Variants in RFX3 observed in about 807,000 individuals in gnomAD.
RFX3 encodes the protein regulatory factor X3.
In RFX3, 14 loss-of-function variants were observed where a neutral mutation model predicts 98.6. The observed-to-expected ratio is 0.14, with a 90% CI of 0.09 to 0.22. The LOEUF is 0.22. RFX3 is among the 10% of genes least tolerant of loss of function. The probability of loss-of-function intolerance (pLI) is 1.00; values close to 1 mark genes in which losing one functional copy is unlikely to be tolerated. For synonymous variants in RFX3, 383 were observed against 328.4 expected, an observed-to-expected ratio of 1.17 and a Z score of -1.80; for missense variants, 639 against 926.9, an observed-to-expected ratio of 0.69 and a Z score of 4.03.
rs928177785 is a variant in RFX3 at position 3,244,467 on chromosome 9, AT to A, written c.1968+3564del. Among the ~76,000 whole-genome samples the A allele has an allele frequency of 9.7e-4, 148 of 152,024 alleles. No homozygotes were observed. In the Middle Eastern group the frequency reaches 0.01, roughly 10 times the overall value. On this transcript the variant is annotated intron_variant, in intron 15 of 16. Transcript: ENST00000617270. ...AATTTTGACTTTTTATCCTAATTCA[AT>A]TTTTCCTCTTGTCTGTTGCATTTGA...
chr9:3,384,212 C>A (rs1053650458), intron 2 of RFX3, among the ~76,000 whole-genome samples: 1 of 25,870 alleles, frequency 3.9e-5, no homozygotes, highest in African/African-American at 3.9e-4. Context: ...CAGAATACCT[C>A]ATGTTTGCAT....
intron 1 of RFX3, among the ~76,000 whole-genome samples, chr9:3,423,573 A>G (rs904258055): frequency 2.0e-5 from 3 of 151,952 alleles, no homozygotes; most frequent in Non-Finnish European, 4.4e-5. Flanking sequence ...GAAATTCTAG[A>G]AAACAGAAAT....
intron 1 of RFX3, among the ~76,000 whole-genome samples, chr9:3,525,545 G>A (rs1819196969): frequency 6.6e-6 from 1 of 151,836 alleles, no homozygotes; most frequent in Non-Finnish European, 1.5e-5. Flanking sequence ...CGACCCAGCC[G>A]CGGCGCGCAG....
At chr9:3,239,584 C>A (rs532458829) in intron 15 of RFX3, among the ~76,000 whole-genome samples, 2 of 152,246 alleles carry the variant, frequency 1.3e-5, no homozygotes, top group African/African-American at 4.8e-5. Context: ...GTCTAAGACA[C>A]ACTTACAAGT....
chr9:3,257,027 G>A lies in RFX3; in HGVS notation c.1778C>T (p.Ala593Val), dbSNP rs766578680. The change falls in exon 14 of 17, where the codon GCC becomes GTC. Residue 593 changes from alanine to valine, a missense_variant. By Grantham distance (64) the Ala-to-Val change is moderately conservative. Coordinates refer to ENST00000617270, the MANE Select transcript of RFX3 (RefSeq NM_001282116.2). ...PYEGRPSFPKAARQFLLKWSF... is the reference protein window; with the variant it reads ...PYEGRPSFPKVARQFLLKWSF... ...CCATTTTAGCAGAAACTGCCTGGCG[G>A]CTTTAGGAAAACTGGGTCTTCCTTC... The A allele has an allele frequency of 1.2e-6, 2 of 1,614,066 alleles. No homozygotes were observed. The highest frequency in any genetic ancestry group is 1.7e-6 in the Non-Finnish European group (2 of 1,179,992).
rs530099185 is a variant in RFX3, at chr9:3,392,123, AG to A, written c.117+3348del. Among the ~76,000 whole-genome samples, 43 of 152,324 alleles carry A rather than the reference AG, an allele frequency of 2.8e-4. 2 individuals are homozygous for A. The East Asian group carries it at 7.9e-3, about 28-fold the overall frequency. On this transcript the variant is annotated intron_variant, in intron 2 of 16. Coordinates refer to ENST00000617270, the MANE Select transcript of RFX3 (RefSeq NM_001282116.2). ...TCTTAATTAAAAAGCCTTGTCAGTC[AG>A]ATGACCCCATTTTGAAGTCAACAAG...
intron 2 of RFX3, among the ~76,000 whole-genome samples, chr9:3,348,314 T>C (rs1834685315): frequency 1.3e-5 from 2 of 152,108 alleles, no homozygotes; most frequent in African/African-American, 2.4e-5. Context: ...ACCATATCAG[T>C]TGACATATAA....
intron 1 of RFX3, among the ~76,000 whole-genome samples, chr9:3,433,911 G>A (rs574669644): frequency 3.9e-5 from 6 of 152,120 alleles, no homozygotes; most frequent in Non-Finnish European, 7.4e-5. Context: ...AAATGGGCAT[G>A]GCTGTCCCAA....
At chr9:3,360,739 T>C (rs1265407742) in intron 2 of RFX3, among the ~76,000 whole-genome samples, 1 of 152,150 alleles carries the variant, frequency 6.6e-6, no homozygotes, top group African/African-American at 2.4e-5. Context: ...CCAAAACAAA[T>C]TATATACCAC....
intron 1 of RFX3, among the ~76,000 whole-genome samples, chr9:3,439,725 T>C (rs1845461464): frequency 2.0e-5 from 3 of 152,074 alleles, no homozygotes; most frequent in African/African-American, 7.2e-5. Context: ...ATACTAACAA[T>C]ACTAACATGT....
intron 1 of RFX3, among the ~76,000 whole-genome samples, chr9:3,411,071 A>G (rs1587564200): frequency 6.6e-6 from 1 of 152,222 alleles, no homozygotes; most frequent in African/African-American, 2.4e-5. Flanking sequence ...TATTATATTC[A>G]AAATTACACA....
In RFX3 at chr9:3,390,530, G is replaced by T. The variant is rs1164004977; in HGVS notation, c.117+4942C>A. Among the ~76,000 whole-genome samples, 3 of 152,086 alleles carry T rather than the reference G, an allele frequency of 2.0e-5. No homozygotes were observed. In the East Asian group the frequency reaches 5.8e-4, roughly 29 times the overall value. ...AACTGGAGCAAACTTGTGGGGAATT[G>T]CTATGTCCCCACCCAAGCCTCATCT... On this transcript the variant is annotated intron_variant, in intron 2 of 16. Transcript: ENST00000617270.
At chr9:3,456,357 G>A (rs1484923630) in intron 1 of RFX3, among the ~76,000 whole-genome samples, 1 of 152,098 alleles carries the variant, frequency 6.6e-6, no homozygotes, top group Non-Finnish European at 1.5e-5. Flanking sequence ...AAACCTATAT[G>A]CAAAATTTTA....
Position 3,363,700 on chromosome 9 carries a change from T to C in RFX3, c.118-16936A>G, listed in dbSNP as rs536409204. On this transcript the variant is annotated intron_variant, in intron 2 of 16. Coordinates refer to ENST00000617270, the MANE Select transcript of RFX3 (RefSeq NM_001282116.2). The stretch of plus-strand genomic sequence containing the variant: ...TCCATTTTATAAATAGTGACATAAG[T>C]ACAAAGATACAATGACAACTCAAAG... Among the ~76,000 whole-genome samples, 7 of 152,304 alleles carry C rather than the reference T, an allele frequency of 4.6e-5. No individual in the cohort carries two copies. In the East Asian group the frequency reaches 1.3e-3, roughly 29 times the overall value.
chr9:3,246,568 T>C (rs1253447732), intron 15 of RFX3, among the ~76,000 whole-genome samples: 2 of 152,214 alleles, frequency 1.3e-5, no homozygotes, highest in African/African-American at 4.8e-5. Flanking sequence ...GGCAAATGTG[T>C]TAAGTATACT....
intron 1 of RFX3, among the ~76,000 whole-genome samples, chr9:3,434,429 G>A (rs1372179148): frequency 6.6e-6 from 1 of 152,020 alleles, no homozygotes; most frequent in Non-Finnish European, 1.5e-5. Flanking sequence ...TCTAATAAAT[G>A]CTAAGGAATT....
At chr9:3,287,059 G>A (rs957938608) in intron 7 of RFX3, among the ~76,000 whole-genome samples, 1 of 151,560 alleles carries the variant, frequency 6.6e-6, no homozygotes, top group African/African-American at 2.4e-5. Flanking sequence ...CATTCTCCAT[G>A]TGCCTCCCCT....
chr9:3,318,182 C>T (rs555395331), intron 4 of RFX3, among the ~76,000 whole-genome samples: 17 of 152,296 alleles, frequency 1.1e-4, no homozygotes, highest in African/African-American at 4.1e-4. Context: ...CCATGGAATA[C>T]TATGCAACCA....
At chr9:3,402,117 C>T (rs763658027) in intron 1 of RFX3, among the ~76,000 whole-genome samples, 1 of 152,160 alleles carries the variant, frequency 6.6e-6, no homozygotes, top group African/African-American at 2.4e-5. Flanking sequence ...GATTAATAGT[C>T]TGACCTAATC....
Sources: allele counts gnomAD v4.1 joint callset (sites outside exome capture counted in the v4.1 genomes callset), GRCh38; gene constraint gnomAD v4.1.1; transcripts MANE v1.5; gene names NCBI Gene and HGNC (gene_info 2026-07-23, HGNC 2026-07-21).